MICAL1: variants seen among roughly 807,000 people sequenced by gnomAD.
MICAL1 encodes [F-actin]-monooxygenase MICAL1.
A neutral mutation model predicts 131.8 loss-of-function variants in MICAL1; 95 were observed. That is an observed-to-expected ratio of 0.72 (90% confidence interval 0.61 to 0.86). MICAL1 has a LOEUF of 0.86. Ranked by LOEUF, MICAL1 falls within the 40% of genes least tolerant of loss-of-function variation. The pLI, the probability that MICAL1 is intolerant of heterozygous loss-of-function variation, is 0.00. For missense variants in MICAL1, 1,292 were observed against 1,380.6 expected (o/e 0.94, Z 1.02); for synonymous variants, 546 against 554.2 (o/e 0.99, Z 0.21).
intron 1 of MICAL1, among the ~76,000 whole-genome samples, chr6:109,461,793 T>C (rs1775893959): frequency 6.6e-6 from 1 of 152,218 alleles, no homozygotes; most frequent in Admixed American, 6.5e-5. Context: ...TTCTTTTGGT[T>C]CTATTAACCT....
Position 109,453,953 on chromosome 6 carries a change from A to C in MICAL1, c.244T>G (p.Cys82Gly). The change falls in exon 2 of 25, where the codon TGC becomes GGC. Residue 82 changes from cysteine to glycine, a missense_variant. Transcript: ENST00000358807. The part of the protein sequence containing the change: ...GQPVYQQGRA[C>G]TSTKCLVVGA... Reference sequence around the variant, plus strand: ...CGTGTATCCACCTTGGTGCTGGTGCAGGCCCGGCCCTGCTGGTAGACAGGC... The same window carrying C: ...CGTGTATCCACCTTGGTGCTGGTGCCGGCCCGGCCCTGCTGGTAGACAGGC... 1 of 1,613,666 alleles carries C rather than the reference A, an allele frequency of 6.2e-7. No homozygotes were observed. Among genetic ancestry groups the C allele is most frequent in the Non-Finnish European group, 8.5e-7 (1 of 1,179,786 alleles).
chr6:109,464,263 A>G (rs139099611), intron 1 of MICAL1: 55 of 152,352 alleles, frequency 3.6e-4, no homozygotes, highest in Admixed American at 2.9e-3. Context: ...ATAATAAAAT[A>G]TAGCTTAGCA....
At chr6:109,459,712 A>T (rs1204207657), upstream of MICAL1, among the ~76,000 whole-genome samples, 1 of 152,202 alleles carries the variant, frequency 6.6e-6, no homozygotes, top group Non-Finnish European at 1.5e-5. Context: ...TAGGTTCAGG[A>T]TCAGTTAAAT....
rs750535997 is a variant in MICAL1, at chr6:109,453,800, C to G, written c.304G>C (p.Glu102Gln). The G allele has an allele frequency of 6.2e-6, 10 of 1,613,628 alleles. No homozygotes were observed. The Admixed American group carries it at 8.3e-5, about 13-fold the overall frequency. ...AGPCGLRVAVELALLGARVVL... is the reference protein window; with the variant it reads ...AGPCGLRVAVQLALLGARVVL... ...ACTCGGGCCCCCAGCAGCGCCAGCTCCACAGCGACCCGCAGCCCGCAAGGT... is the reference window on the plus strand; with the variant it reads ...ACTCGGGCCCCCAGCAGCGCCAGCTGCACAGCGACCCGCAGCCCGCAAGGT... The change falls in exon 3 of 25, where the codon GAG becomes CAG. Residue 102 changes from glutamate (E) to glutamine (Q), a missense_variant. Coordinates refer to ENST00000358807, the MANE Select transcript of MICAL1 (RefSeq NM_022765.4).
At chr6:109,457,449 T>C (rs1775781906), upstream of MICAL1, among the ~76,000 whole-genome samples, 1 of 152,172 alleles carries the variant, frequency 6.6e-6, no homozygotes, top group Non-Finnish European at 1.5e-5. Flanking sequence ...TATACGAAGC[T>C]ATGTCTTGTT....
Position 109,450,337 on chromosome 6 carries a change from C to A in MICAL1, c.1154G>T (p.Arg385Leu). Residue 385 changes from arginine to leucine, a missense_variant, in exon 8 of 25, where the codon CGC (arginine) becomes CTC (leucine). Coordinates refer to ENST00000358807, the MANE Select transcript of MICAL1 (RefSeq NM_022765.4). ...SARVQEKHGARLLLGLVGDCL... is the reference protein window; with the variant it reads ...SARVQEKHGALLLLGLVGDCL... ...GTCCCCCACCAGTCCCAGCAGCAGGCGGGCGCCATGCTTCTCTTGCACACG... is the reference window on the plus strand; with the variant it reads ...GTCCCCCACCAGTCCCAGCAGCAGGAGGGCGCCATGCTTCTCTTGCACACG... The A allele has an allele frequency of 6.2e-7, 1 of 1,610,142 alleles. No individual in the cohort carries two copies. Among genetic ancestry groups the A allele is most frequent in the South Asian group, 1.1e-5 (1 of 91,020 alleles).
At chr6:109,459,518 G>C (rs1392550031), upstream of MICAL1, among the ~76,000 whole-genome samples, 1 of 152,198 alleles carries the variant, frequency 6.6e-6, no homozygotes, top group African/African-American at 2.4e-5. Context: ...CTCTTGGCTT[G>C]GAGTGGGTAA....
chr6:109,447,711 C>T lies in MICAL1; in HGVS notation c.1956G>A (p.Glu652=), dbSNP rs140406499. The T allele has an allele frequency of 6.2e-7, 1 of 1,613,992 alleles. No homozygotes were observed. Among genetic ancestry groups the T allele is most frequent in the Non-Finnish European group, 8.5e-7 (1 of 1,180,004 alleles). ...LQRSRAKENA[E]DAGGKKLRLE... is the part of the protein sequence containing the mutation. ...AGCGCAGCTTCTTGCCACCAGCATCCTCTGCATTTTCCTGCAATAAGTCCT... is the reference window on the plus strand; with the variant it reads ...AGCGCAGCTTCTTGCCACCAGCATCTTCTGCATTTTCCTGCAATAAGTCCT... Residue 652 remains glutamate (E), a synonymous_variant, in exon 15 of 25, where the codon GAG becomes GAA. Transcript: ENST00000358807.
chr6:109,449,277 G>A (rs1257916345), intron 11 of MICAL1, 123 bp downstream of exon 11: 1 of 1,084,944 alleles, frequency 9.2e-7, no homozygotes, highest in Non-Finnish European at 1.4e-6. Flanking sequence ...CAACCCACCA[G>A]CCAACAATGA....
rs1334242441 is a variant in MICAL1 at position 109,455,283 on chromosome 6, C to T, written c.-44+436G>A. Among the ~76,000 whole-genome samples the T allele has an allele frequency of 6.6e-6, 1 of 152,178 alleles. No individual in the cohort carries two copies. Among genetic ancestry groups the T allele is most frequent in the Non-Finnish European group, 1.5e-5 (1 of 68,022 alleles). ...TCAGGCCCCTCCACCATCCAGCTGC[C>T]CCTCCGTTCCCAGCCCGCCGCGCCG... is the stretch of plus-strand genomic sequence containing the variant. On this transcript the variant is annotated intron_variant, in intron 1 of 24. Coordinates refer to ENST00000358807, the MANE Select transcript of MICAL1 (RefSeq NM_022765.4). This position sits in a 1 kb window ranked among gnomAD's most constrained non-coding sequence, Gnocchi z 4.7.
chr6:109,453,916 C>A (rs1228945142), intron 2 of MICAL1, 23 bp downstream of exon 2: 1 of 1,611,350 alleles, frequency 6.2e-7, no homozygotes, highest in Non-Finnish European at 8.5e-7. Context: ...CTCCACACCC[C>A]ATCCCAGGCA....
chr6:109,453,228 G>A (rs1227053861), intron 4 of MICAL1, 35 bp downstream of exon 4: 2 of 1,529,550 alleles, frequency 1.3e-6, no homozygotes, highest in East Asian at 4.5e-5. Context: ...CTTGATGGGG[G>A]AGGGGGAGAT....
At chr6:109,460,300 C>G (rs777524955), upstream of MICAL1, among the ~76,000 whole-genome samples, 5 of 151,128 alleles carry the variant, frequency 3.3e-5, no homozygotes. Flanking sequence ...AAAAAAAAAT[C>G]TAAAAATTAG....
chr6:109,449,838 C>A, intron 9 of MICAL1, 55 bp from the exon 10 acceptor site: 3 of 1,587,266 alleles, frequency 1.9e-6, no homozygotes, highest in Non-Finnish European at 2.6e-6. Flanking sequence ...CCTGTCAGCA[C>A]CCACCTCTCA....
rs141198889 is a variant in MICAL1 at position 109,455,529 on chromosome 6, C to A, written c.-44+190G>T. On this transcript the variant is annotated intron_variant, in intron 1 of 24. Coordinates refer to ENST00000358807, the MANE Select transcript of MICAL1 (RefSeq NM_022765.4). This position sits in a 1 kb window ranked among gnomAD's most constrained non-coding sequence, Gnocchi z 4.7. Reference sequence around the variant, plus strand: ...GGAGAGGGAGCTGGACCGCGGGCGGCAGCGGTGGGGGTCCCCGACACTGGA... The same window carrying A: ...GGAGAGGGAGCTGGACCGCGGGCGGAAGCGGTGGGGGTCCCCGACACTGGA... The A allele has an allele frequency of 0.029, 5,670 of 197,800 alleles. 145 individuals carry two copies. The highest frequency in any genetic ancestry group is 0.072 in the East Asian group (386 of 5,340). 12.3% of individuals were successfully genotyped at this position (197,800 alleles called of 1,614,324 possible).
Position 109,455,685 on chromosome 6 carries a change from C to T in MICAL1, c.-44+34G>A. On this transcript the variant is annotated intron_variant, in intron 1 of 24. Transcript: ENST00000358807. The surrounding 1 kb of genome is among the most constrained non-coding windows in gnomAD (Gnocchi z 4.7). ...CACCCCACCTCACCCCACCCGGCCG[C>T]GGGGCTCGCAGCCGGCTCCGCTGGA... is the stretch of plus-strand genomic sequence containing the variant. 1.0e-6 allele frequency: 1 copy of T among 982,982 alleles called. No individual in the cohort carries two copies. The highest frequency in any genetic ancestry group is 1.2e-4 in the East Asian group (1 of 8,632). 60.9% of individuals were successfully genotyped at this position (982,982 alleles called of 1,614,324 possible). A position where few individuals can be genotyped will look rare whatever the true frequency, so the allele number is the denominator to read the frequency against.
Position 109,445,483 on chromosome 6 carries a change from G to C in MICAL1, c.2720C>G (p.Pro907Arg), listed in dbSNP as rs1450420676. Residue 907 changes from proline (P) to arginine (R), a missense_variant, in exon 21 of 25, where the codon CCA (proline) becomes CGA (arginine). Coordinates refer to ENST00000358807, the MANE Select transcript of MICAL1 (RefSeq NM_022765.4). ...AKTSGTMNNY[P>R]TWRRTLLRRA... ...GCGCAGCAGAGTCCGACGCCATGTTGGGTAGTTATTCATGGTGCCTGAGGT... is the reference window on the plus strand; with the variant it reads ...GCGCAGCAGAGTCCGACGCCATGTTCGGTAGTTATTCATGGTGCCTGAGGT... 3 of 1,613,996 alleles carry C rather than the reference G, an allele frequency of 1.9e-6. No homozygotes were observed. The African/African-American group carries it at 4.0e-5, about 22-fold the overall frequency.
At position 109,446,377 on chromosome 6, in the gene MICAL1, T is replaced by C. The variant is rs756289769; in HGVS notation, c.2340A>G (p.Pro780=). The change falls in exon 19 of 25, where the codon CCA becomes CCG. Residue 780 remains proline, a synonymous_variant. Transcript: ENST00000358807. The part of the protein sequence containing the change: ...LPTPSENSMP[P]GLSTPTASQE... ...GCGAGGCTGTGGGAGTTGAGAGGCC[T>C]GGTGGCATGCTATTCTCACTTGGTG... The C allele has an allele frequency of 1.2e-6, 2 of 1,614,130 alleles. No individual in the cohort carries two copies. The highest frequency in any genetic ancestry group is 1.7e-6 in the Non-Finnish European group (2 of 1,180,028).
At chr6:109,455,979 A>G, upstream of MICAL1, 6 of 985,538 alleles carry the variant, frequency 6.1e-6, no homozygotes, top group Non-Finnish European at 7.2e-6. The surrounding 1 kb of genome is among the most constrained non-coding windows in gnomAD (Gnocchi z 4.7). Flanking sequence ...CAGCGGGGAC[A>G]GTCTTGGGCC....
Sources: allele counts gnomAD v4.1 joint callset (sites outside exome capture counted in the v4.1 genomes callset), GRCh38; gene constraint gnomAD v4.1.1; non-coding constraint Gnocchi (gnomAD v3.1); transcripts MANE v1.5; gene names NCBI Gene and HGNC (gene_info 2026-07-23, HGNC 2026-07-21).